Variants in DEUP1 observed in about 807,000 individuals in gnomAD.
DEUP1 encodes the protein deuterosome assembly protein 1.
A neutral mutation model predicts 87.4 loss-of-function variants in DEUP1; 82 were observed. The ratio of observed to expected loss-of-function variants is 0.94; its 90% CI spans 0.78 to 1.13. The LOEUF (loss-of-function observed/expected upper bound fraction) is 1.13, where lower values mean the gene tolerates loss of function less well. Among genes scored for constraint, DEUP1 ranks in the 50% most tolerant of loss-of-function variants. DEUP1 has a pLI of 0.00. For synonymous variants in DEUP1, 214 were observed against 222.7 expected, an observed-to-expected ratio of 0.96 and a Z score of 0.35; for missense variants, 663 against 681.5, an observed-to-expected ratio of 0.97 and a Z score of 0.30.
intron 1 of DEUP1, among the ~76,000 whole-genome samples, chr11:93,332,006 A>ACT (rs1257329495): frequency 6.6e-6 from 1 of 152,148 alleles, no homozygotes; most frequent in African/African-American, 2.4e-5. Flanking sequence ...GTGCCTCTGC[A>ACT]CTCCAGCCTG....
At chr11:93,333,462 T>C (rs1943589122) in intron 2 of DEUP1, among the ~76,000 whole-genome samples, 1 of 151,992 alleles carries the variant, frequency 6.6e-6, no homozygotes. Context: ...CTTTTAGGAG[T>C]ATAACATGGA....
chr11:93,361,822 AG>A (rs1490184284), intron 4 of DEUP1, among the ~76,000 whole-genome samples: 47 of 152,242 alleles, frequency 3.1e-4, no homozygotes, highest in African/African-American at 1.1e-3. Flanking sequence ...ACCAACTGAA[AG>A]ACAGAGATTG....
At position 93,385,523 on chromosome 11, in the gene DEUP1, T is replaced by C; in HGVS notation, c.915T>C (p.Asn305=). The part of the protein sequence containing the change: ...RELLKIGECQ[N]AQGNKTRLES... ...TATTAAAAATAGGAGAGTGCCAAAA[T>C]GCTCAAGGAAATAAAACAAGGTATA... Residue 305 remains asparagine, a synonymous_variant, in exon 8 of 14, where the codon AAT becomes AAC. Coordinates refer to ENST00000298050, the MANE Select transcript of DEUP1 (RefSeq NM_181645.4). 1 of 1,605,316 alleles carries C rather than the reference T, an allele frequency of 6.2e-7. No individual in the cohort carries two copies. Among genetic ancestry groups the C allele is most frequent in the Non-Finnish European group, 8.5e-7 (1 of 1,177,238 alleles).
rs534149316 is a variant in DEUP1, at chr11:93,334,189, C to T, written c.29+1901C>T. ...CCAAAGCATGGAGACCCCAGGTTGG[C>T]ATTGCCTCAGTCCCACATGCTATTG... On this transcript the variant is annotated intron_variant, in intron 2 of 13. Transcript: ENST00000298050. Among the ~76,000 whole-genome samples, 38 of 152,304 alleles carry T rather than the reference C, an allele frequency of 2.5e-4. No homozygotes were observed. The East Asian group carries it at 6.6e-3, about 26-fold the overall frequency.
At chr11:93,406,173 A>C (rs1046832326) in intron 11 of DEUP1, among the ~76,000 whole-genome samples, 1 of 151,948 alleles carries the variant, frequency 6.6e-6, no homozygotes, top group African/African-American at 2.4e-5. Flanking sequence ...CTCATTTTGT[A>C]ATTTAGACAT....
intron 2 of DEUP1, among the ~76,000 whole-genome samples, chr11:93,350,685 C>T (rs1254920108): frequency 3.3e-5 from 5 of 151,962 alleles, no homozygotes; most frequent in Admixed American, 1.3e-4. Context: ...TGCGGTGGCT[C>T]ACACCTGTAA....
chr11:93,354,581 A>G (rs1166421821), intron 2 of DEUP1, among the ~76,000 whole-genome samples: 1 of 152,206 alleles, frequency 6.6e-6, no homozygotes, highest in Admixed American at 6.5e-5. Flanking sequence ...AATTGGACTT[A>G]CAGTTCCACA....
At chr11:93,374,441 T>C (rs557700642) in intron 7 of DEUP1, among the ~76,000 whole-genome samples, 181 of 152,262 alleles carry the variant, frequency 1.2e-3, no homozygotes, top group African/African-American at 4.0e-3. Context: ...GATCCATCTT[T>C]AGTTGATTTT....
intron 13 of DEUP1, among the ~76,000 whole-genome samples, chr11:93,430,078 T>C (rs907957461): frequency 2.6e-5 from 4 of 152,180 alleles, no homozygotes; most frequent in African/African-American, 9.7e-5. Flanking sequence ...TTCTTAATCT[T>C]GTTGTCTTGA....
At chr11:93,338,705 C>G (rs763377304) in intron 2 of DEUP1, among the ~76,000 whole-genome samples, 35 of 152,130 alleles carry the variant, frequency 2.3e-4, no homozygotes, top group Non-Finnish European at 4.1e-4. Flanking sequence ...GCTCCCAGCT[C>G]AGTCAACATT....
At chr11:93,375,546 T>G (rs1421328531) in intron 7 of DEUP1, among the ~76,000 whole-genome samples, 8 of 152,208 alleles carry the variant, frequency 5.3e-5, no homozygotes, top group Non-Finnish European at 1.0e-4. Flanking sequence ...GATGATCATG[T>G]GATTTTTGTT....
chr11:93,389,259 A>G (rs1946693130), intron 9 of DEUP1, 134 bp downstream of exon 9: 1 of 632,504 alleles, frequency 1.6e-6, no homozygotes, highest in African/African-American at 1.9e-5. Flanking sequence ...TAATCTACCA[A>G]GCTGCTAATT....
At chr11:93,397,432 C>T (rs1946976250) in intron 11 of DEUP1, among the ~76,000 whole-genome samples, 1 of 152,094 alleles carries the variant, frequency 6.6e-6, no homozygotes, top group East Asian at 1.9e-4. Context: ...AAATGCTGAA[C>T]ACACAAAAAG....
intron 13 of DEUP1, among the ~76,000 whole-genome samples, chr11:93,428,866 TTGCTCTAC>T (rs1948019072): frequency 6.6e-6 from 1 of 152,184 alleles, no homozygotes; most frequent in Admixed American, 6.5e-5. Flanking sequence ...AGAGTTGTCC[TTGCTCTAC>T]TGTCTAACAC....
rs1944939175 is a variant in DEUP1 at position 93,357,195 on chromosome 11, T to A, written c.297+152T>A. On this transcript the variant is annotated intron_variant, in intron 4 of 13. Coordinates refer to ENST00000298050, the MANE Select transcript of DEUP1 (RefSeq NM_181645.4). Reference sequence around the variant, plus strand: ...CATGTCTTTCCCTGTTTTATATGCATTGATTTTGTCTCTTACTAGATTGTT... The same window carrying A: ...CATGTCTTTCCCTGTTTTATATGCAATGATTTTGTCTCTTACTAGATTGTT... The A allele has an allele frequency of 5.3e-6, 3 of 561,144 alleles. No individual in the cohort carries two copies. In the South Asian group the frequency reaches 7.3e-5, roughly 14 times the overall value. The allele number at this position is 561,144 out of a possible 1,614,324, so 34.8% of individuals were successfully genotyped here.
At chr11:93,338,938 GC>G (rs1943914741) in intron 2 of DEUP1, among the ~76,000 whole-genome samples, 1 of 152,150 alleles carries the variant, frequency 6.6e-6, no homozygotes, top group African/African-American at 2.4e-5. Flanking sequence ...TTGAGGACTT[GC>G]CTTTTTAATT....
At chr11:93,337,923 G>GAT (rs1187660983) in intron 2 of DEUP1, among the ~76,000 whole-genome samples, 6 of 151,848 alleles carry the variant, frequency 4.0e-5, no homozygotes, top group African/African-American at 1.5e-4. Flanking sequence ...TTAAAAATCT[G>GAT]ATATGTGTGA....
At chr11:93,416,981 A>C (rs969517269) in intron 13 of DEUP1, among the ~76,000 whole-genome samples, 28 of 152,132 alleles carry the variant, frequency 1.8e-4, no homozygotes, top group African/African-American at 6.3e-4. Context: ...ATTCAACAAC[A>C]CTTCATGCTA....
In DEUP1 at chr11:93,355,523, T is replaced by A; in HGVS notation, c.182T>A (p.Leu61Ter). The A allele has an allele frequency of 6.2e-7, 1 of 1,613,654 alleles. No homozygotes were observed. The highest frequency in any genetic ancestry group is 8.5e-7 in the Non-Finnish European group (1 of 1,179,712). ...DQELANAQTC[L>*]DQKGQEVGLL... ...GAATTGGCAAATGCACAAACTTGTT[T>A]GGATCAGAAAGGTCAAGAGGTACTG... is the stretch of plus-strand genomic sequence containing the variant. The change falls in exon 3 of 14, where the codon TTG becomes TAG. Residue 61 changes from leucine (L) to a stop codon, truncating the protein, a stop_gained. Coordinates refer to ENST00000298050, the MANE Select transcript of DEUP1 (RefSeq NM_181645.4). LOFTEE classifies it high-confidence loss of function.
Sources: gnomAD v4.1 joint callset for allele counts (sites outside exome capture counted in the v4.1 genomes callset) on GRCh38, gnomAD v4.1.1 for gene constraint, MANE v1.5 for transcripts, NCBI Gene and HGNC (gene_info 2026-07-23, HGNC 2026-07-21) for gene names.